CUL4A: variants seen among roughly 807,000 people sequenced by gnomAD.
The protein encoded by CUL4A is cullin 4A.
In CUL4A, 16 loss-of-function variants were observed where a neutral mutation model predicts 95.5. That is an observed-to-expected ratio of 0.17 (90% CI 0.11 to 0.25). The LOEUF is 0.25. Among genes scored for constraint, CUL4A ranks in the 10% least tolerant of loss-of-function variants. The pLI is 1.00. For synonymous variants in CUL4A, 380 were observed against 353.1 expected (o/e 1.08, Z -0.85); for missense variants, 610 against 937.0 (o/e 0.65, Z 4.56).
intron 18 of CUL4A, among the ~76,000 whole-genome samples, chr13:113,255,953 C>A (rs1397292234): frequency 6.6e-6 from 1 of 152,184 alleles, no homozygotes; most frequent in East Asian, 1.9e-4. Context: ...TCTATCAGTT[C>A]TTTCTCCCGA....
At chr13:113,251,863 A>G (rs775928391) in intron 15 of CUL4A, among the ~76,000 whole-genome samples, 28 of 152,166 alleles carry the variant, frequency 1.8e-4, no homozygotes, top group Non-Finnish European at 3.1e-4. Context: ...TACAAGACGT[A>G]TAGGTGGATG....
upstream of CUL4A, chr13:113,208,682 C>A (rs982082353): frequency 7.0e-6 from 11 of 1,572,260 alleles, no homozygotes; most frequent in Non-Finnish European, 9.5e-6. Flanking sequence ...CTCAAGCGGG[C>A]CAGCTGGCGT....
chr13:113,252,263 A>G (rs754932304), intron 15 of CUL4A, among the ~76,000 whole-genome samples: 4 of 152,124 alleles, frequency 2.6e-5, no homozygotes, highest in Non-Finnish European at 4.4e-5. Flanking sequence ...AAATTCACTC[A>G]AGGCCAGGCA....
intron 19 of CUL4A, 130 bp from the exon 20 acceptor site, chr13:113,263,357 C>A: frequency 2.7e-6 from 1 of 373,400 alleles, no homozygotes; most frequent in African/African-American, 2.1e-5. Context: ...AAATGATTTT[C>A]ATATAAATAT....
Position 113,245,007 on chromosome 13 carries a change from G to T in CUL4A, c.1392G>T (p.Gly464=), listed in dbSNP as rs138961957. ...ATTTGGCAAAAAGACTCCTTGTTGGGAAAAGTGCCTCAGTCGATGCTGAAA... is the reference window on the plus strand; with the variant it reads ...ATTTGGCAAAAAGACTCCTTGTTGGTAAAAGTGCCTCAGTCGATGCTGAAA... The part of the protein sequence containing the change: ...KKDLAKRLLV[G]KSASVDAEKS... Residue 464 remains glycine, a synonymous_variant, in exon 13 of 20, where the codon GGG becomes GGT. Transcript: ENST00000375440. 8.7e-4 allele frequency: 1,402 copies of T among 1,614,188 alleles called. 12 individuals carry two copies. The African/African-American group carries it at 0.016, about 19-fold the overall frequency.
chr13:113,258,165 A>AT (rs781402791), intron 18 of CUL4A, among the ~76,000 whole-genome samples: 23 of 151,808 alleles, frequency 1.5e-4, no homozygotes, highest in Non-Finnish European at 2.9e-4. Flanking sequence ...AAATTTTTGT[A>AT]TTTTTTGTAG....
At chr13:113,253,622 T>C (rs532658151) in intron 16 of CUL4A, among the ~76,000 whole-genome samples, 2 of 152,134 alleles carry the variant, frequency 1.3e-5, no homozygotes, top group South Asian at 2.1e-4. Context: ...GCATAAACTG[T>C]AGTGAGCTTT....
At chr13:113,253,678 A>G (rs1304159755) in intron 16 of CUL4A, among the ~76,000 whole-genome samples, 3 of 152,184 alleles carry the variant, frequency 2.0e-5, no homozygotes, top group Non-Finnish European at 2.9e-5. Context: ...CCTGCTGCCG[A>G]GTTGTTGCCT....
At chr13:113,225,003 C>G (rs1211527309) in intron 3 of CUL4A, among the ~76,000 whole-genome samples, 1 of 152,170 alleles carries the variant, frequency 6.6e-6, no homozygotes, top group East Asian at 1.9e-4. Flanking sequence ...TATCCCTCTT[C>G]TACCCCAACA....
At chr13:113,208,845 G>A (rs2040185158), upstream of CUL4A, 5 of 1,407,182 alleles carry the variant, frequency 3.6e-6, no homozygotes, top group South Asian at 1.5e-5. Flanking sequence ...CGTCCTCTCA[G>A]CCGGGACGCC....
intron 4 of CUL4A, 52 bp downstream of exon 4, chr13:113,228,097 C>A: frequency 7.5e-7 from 1 of 1,332,120 alleles, no homozygotes; most frequent in Non-Finnish European, 1.1e-6. Context: ...TCTTCCCTCA[C>A]CCACATGATT....
upstream of CUL4A, among the ~76,000 whole-genome samples, chr13:113,209,110 G>GCCTGCAGGAGTTAGGGCT: frequency 6.6e-6 from 1 of 150,634 alleles, no homozygotes; most frequent in East Asian, 2.0e-4. Flanking sequence ...GCGCTCCCGA[G>GCCTGCAGGAGTTAGGGCT]CCTGCAGGAG....
At chr13:113,256,185 G>A (rs914702939) in intron 18 of CUL4A, among the ~76,000 whole-genome samples, 4 of 152,152 alleles carry the variant, frequency 2.6e-5, no homozygotes, top group African/African-American at 9.7e-5. Context: ...TGGGATCACT[G>A]TACATATGGC....
intron 11 of CUL4A, chr13:113,244,191 C>A: frequency 4.6e-6 from 2 of 431,110 alleles, no homozygotes; most frequent in East Asian, 3.6e-5. Flanking sequence ...ATATTTAAAC[C>A]TGCTTTAAAC....
chr13:113,231,386 G>A (rs1035023147), intron 5 of CUL4A, among the ~76,000 whole-genome samples: 1 of 152,206 alleles, frequency 6.6e-6, no homozygotes, highest in Non-Finnish European at 1.5e-5. Flanking sequence ...TCAAAGCCGA[G>A]TATCTCCTGC....
chr13:113,233,859 T>G (rs774032218), intron 6 of CUL4A, 38 bp from the exon 7 acceptor site: 10 of 1,109,624 alleles, frequency 9.0e-6, no homozygotes, highest in Non-Finnish European at 1.1e-5. Context: ...GATAGTTTCC[T>G]TTACTGAAAT....
chr13:113,215,642 G>A (rs1364042659), intron 2 of CUL4A, among the ~76,000 whole-genome samples: 2 of 150,976 alleles, frequency 1.3e-5, no homozygotes, highest in Non-Finnish European at 3.0e-5. Flanking sequence ...TGACTATGGA[G>A]GTTTCATCCA....
chr13:113,232,809 A>AGGGGCAGGT (rs2041402772), intron 5 of CUL4A, among the ~76,000 whole-genome samples: 1 of 151,952 alleles, frequency 6.6e-6, no homozygotes, highest in African/African-American at 2.4e-5. Context: ...CGGTGGCGGG[A>AGGGGCAGGT]GGGGCAGGTG....
intron 18 of CUL4A, among the ~76,000 whole-genome samples, chr13:113,257,488 T>C (rs1440261929): frequency 6.6e-6 from 1 of 152,186 alleles, no homozygotes; most frequent in South Asian, 2.1e-4. Flanking sequence ...TGACGAGGCC[T>C]CAGGAAGTTT....
Sources: allele counts gnomAD v4.1 joint callset (sites outside exome capture counted in the v4.1 genomes callset), GRCh38; gene constraint gnomAD v4.1.1; transcripts MANE v1.5; gene names NCBI Gene and HGNC (gene_info 2026-07-23, HGNC 2026-07-21).